Variants in SUGCT observed in about 807,000 individuals in gnomAD.
SUGCT encodes the protein succinyl-CoA:glutarate CoA-transferase.
A neutral mutation model predicts 55.0 loss-of-function variants in SUGCT; 41 were observed. The observed-to-expected ratio is 0.74, with a 90% CI of 0.58 to 0.97. SUGCT has a LOEUF of 0.97. Among genes scored for constraint, SUGCT ranks in the 50% least tolerant of loss-of-function variants. The probability of loss-of-function intolerance (pLI) is 0.00; values close to 1 mark genes in which losing one functional copy is unlikely to be tolerated. For missense variants in SUGCT, 568 were observed against 547.8 expected, an observed-to-expected ratio of 1.04 and a Z score of -0.37; for synonymous variants, 187 against 200.4, an observed-to-expected ratio of 0.93 and a Z score of 0.56.
intron 9 of SUGCT, among the ~76,000 whole-genome samples, chr7:40,409,968 A>G (rs1170980631): frequency 6.6e-6 from 1 of 152,124 alleles, no homozygotes; most frequent in Non-Finnish European, 1.5e-5. Context: ...ATTTCTTCGT[A>G]TACATTGTAT....
intron 13 of SUGCT, among the ~76,000 whole-genome samples, chr7:40,826,649 C>G (rs1490572407): frequency 6.6e-6 from 1 of 152,168 alleles, no homozygotes. Flanking sequence ...CAAAGAGTGA[C>G]CATTTAAACA....
At chr7:40,744,835 T>C (rs1787648471) in intron 12 of SUGCT, among the ~76,000 whole-genome samples, 1 of 152,230 alleles carries the variant, frequency 6.6e-6, no homozygotes, top group South Asian at 2.1e-4. Flanking sequence ...TCTCTGGTCT[T>C]TACTAACCTC....
At chr7:40,177,401 C>A (rs893508557) in intron 1 of SUGCT, among the ~76,000 whole-genome samples, 1 of 137,940 alleles carries the variant, frequency 7.2e-6, no homozygotes. Flanking sequence ...GCAGCGCTGG[C>A]GGCCCTCTAA....
At chr7:40,849,489 T>G (rs962655903) in intron 13 of SUGCT, among the ~76,000 whole-genome samples, 1 of 152,156 alleles carries the variant, frequency 6.6e-6, no homozygotes, top group Non-Finnish European at 1.5e-5. Context: ...CTCATGATGA[T>G]GTGATATTAT....
chr7:40,575,120 G>GGGC (rs1554372681), intron 12 of SUGCT, among the ~76,000 whole-genome samples: 1 of 137,002 alleles, frequency 7.3e-6, no homozygotes, highest in African/African-American at 3.5e-5. Context: ...GGAGGGTGGC[G>GGGC]GGGGTGGGGG....
chr7:40,369,110 A>G (rs866381739), intron 9 of SUGCT, among the ~76,000 whole-genome samples: 2 of 152,066 alleles, frequency 1.3e-5, no homozygotes. Flanking sequence ...TCTTAAAAAA[A>G]AAAAAAAATT....
chr7:40,274,213 C>T (rs893807887), intron 7 of SUGCT, among the ~76,000 whole-genome samples: 1 of 148,694 alleles, frequency 6.7e-6, no homozygotes, highest in East Asian at 2.0e-4. Context: ...TAAAATATAT[C>T]AAGAAGGAAT....
At chr7:40,843,508 C>CAAAAAAAAAAAAAAAAAAAA (rs57586466) in intron 13 of SUGCT, among the ~76,000 whole-genome samples, 2 of 127,880 alleles carry the variant, frequency 1.6e-5, no homozygotes, top group Non-Finnish European at 1.7e-5. Flanking sequence ...GACTCTGTCT[C>CAAAAAAAAAAAAAAAAAAAA]AAAAAAAAAA....
At chr7:40,253,548 C>T (rs980152696) in intron 7 of SUGCT, among the ~76,000 whole-genome samples, 14 of 151,704 alleles carry the variant, frequency 9.2e-5, no homozygotes, top group African/African-American at 3.1e-4. Context: ...ATTGTTTGAT[C>T]GAATGTGTAA....
At position 40,544,000 on chromosome 7, in the gene SUGCT, A is replaced by G. The variant is rs1224895422; in HGVS notation, c.1089+47614A>G. On this transcript the variant is annotated intron_variant, in intron 12 of 13. Coordinates refer to ENST00000335693, the MANE Select transcript of SUGCT (RefSeq NM_001193313.2). Reference sequence around the variant, plus strand: ...CCCATATATTGATGTGACAAAAATCATACTTGGTAAGGAGGCACTCTAGTT... The same window carrying G: ...CCCATATATTGATGTGACAAAAATCGTACTTGGTAAGGAGGCACTCTAGTT... 2.0e-5 allele frequency among the ~76,000 whole-genome samples: 3 copies of G among 152,310 alleles called. No homozygotes were observed. In the East Asian group the frequency reaches 5.8e-4, roughly 29 times the overall value.
At chr7:40,720,793 C>T (rs1216008798) in intron 12 of SUGCT, among the ~76,000 whole-genome samples, 1 of 152,160 alleles carries the variant, frequency 6.6e-6, no homozygotes, top group Non-Finnish European at 1.5e-5. Flanking sequence ...CCTTACGTAT[C>T]ATCTTTGAAT....
chr7:40,646,426 A>T (rs1024580442), intron 12 of SUGCT, among the ~76,000 whole-genome samples: 1 of 152,204 alleles, frequency 6.6e-6, no homozygotes, highest in African/African-American at 2.4e-5. Flanking sequence ...TCTCAGTGAA[A>T]TTAAAACAAA....
chr7:40,845,755 G>C (rs547727609), intron 13 of SUGCT, among the ~76,000 whole-genome samples: 13 of 152,252 alleles, frequency 8.5e-5, no homozygotes, highest in African/African-American at 3.1e-4. Context: ...CTTAGCAGCA[G>C]GTTTGGGGGG....
At chr7:40,255,662 A>C (rs1790763629) in intron 7 of SUGCT, among the ~76,000 whole-genome samples, 1 of 63,748 alleles carries the variant, frequency 1.6e-5, no homozygotes, top group Admixed American at 1.7e-4. Flanking sequence ...CTCTGTATCA[A>C]AAAAAAAAAA....
chr7:41,014,558 G>A, the SUGCT span, among the ~76,000 whole-genome samples: 5 of 152,156 alleles, frequency 3.3e-5, no homozygotes, highest in African/African-American at 1.2e-4. Flanking sequence ...GCAGTCCCTC[G>A]TGTTGAGTCC....
chr7:40,713,478 G>C (rs1040206283), intron 12 of SUGCT, among the ~76,000 whole-genome samples: 5 of 152,106 alleles, frequency 3.3e-5, no homozygotes, highest in Non-Finnish European at 7.4e-5. Context: ...CCATGGTCAG[G>C]GTGTTATCAC....
chr7:40,643,290 C>T (rs1800349239), intron 12 of SUGCT, among the ~76,000 whole-genome samples: 1 of 152,142 alleles, frequency 6.6e-6, no homozygotes, highest in South Asian at 2.1e-4. Context: ...CAAGATGAGC[C>T]AAACCGTGAT....
chr7:40,141,504 G>A (rs1331311700), intron 1 of SUGCT, among the ~76,000 whole-genome samples: 1 of 151,804 alleles, frequency 6.6e-6, no homozygotes, highest in Non-Finnish European at 1.5e-5. Context: ...CGTGGTGGTG[G>A]GCACCTGTAA....
chr7:40,688,923 T>C (rs913496501), intron 12 of SUGCT, among the ~76,000 whole-genome samples: 10 of 152,298 alleles, frequency 6.6e-5, no homozygotes, highest in African/African-American at 2.2e-4. Flanking sequence ...TTCTAAATCT[T>C]TACCCCATCA....
Sources: allele counts gnomAD v4.1 joint callset (sites outside exome capture counted in the v4.1 genomes callset), GRCh38; gene constraint gnomAD v4.1.1; transcripts MANE v1.5; gene names NCBI Gene and HGNC (gene_info 2026-07-23, HGNC 2026-07-21).